The following TMTC4 variants were observed in gnomAD, a reference collection of about 807,000 sequenced individuals.
TMTC4 encodes the protein transmembrane O-mannosyltransferase targeting cadherins 4, also known as protein O-mannosyl-transferase TMTC4.
A neutral mutation model predicts 86.0 loss-of-function variants in TMTC4; 65 were observed. The ratio of observed to expected loss-of-function variants is 0.76; its 90% CI spans 0.62 to 0.93. The LOEUF is 0.93. Ranked by LOEUF, TMTC4 falls within the 40% of genes least tolerant of loss-of-function variation. TMTC4 has a pLI of 0.00. For synonymous variants in TMTC4, 379 were observed against 382.5 expected, an observed-to-expected ratio of 0.99 and a Z score of 0.11; for missense variants, 866 against 948.1, an observed-to-expected ratio of 0.91 and a Z score of 1.14.
At chr13:100,610,420 T>TA (rs566156818) in intron 17 of TMTC4, among the ~76,000 whole-genome samples, 1 of 152,124 alleles carries the variant, frequency 6.6e-6, no homozygotes. Flanking sequence ...AACCCTTAAC[T>TA]AAAAAAATAC....
chr13:100,648,343 G>C (rs1248728557), intron 6 of TMTC4, among the ~76,000 whole-genome samples: 1 of 151,944 alleles, frequency 6.6e-6, no homozygotes, highest in Non-Finnish European at 1.5e-5. Flanking sequence ...AAAAAAATGT[G>C]AACATTTTCA....
intron 12 of TMTC4, among the ~76,000 whole-genome samples, chr13:100,628,317 T>C (rs1317774810): frequency 6.6e-6 from 1 of 152,228 alleles, no homozygotes; most frequent in Non-Finnish European, 1.5e-5. Flanking sequence ...GTGTCACATG[T>C]GTCAGAATTT....
intron 3 of TMTC4, among the ~76,000 whole-genome samples, chr13:100,666,318 G>C (rs1452357495): frequency 6.6e-6 from 1 of 152,214 alleles, no homozygotes; most frequent in Non-Finnish European, 1.5e-5. Context: ...TAGGCACAGT[G>C]CCAATGAACG....
intron 15 of TMTC4, among the ~76,000 whole-genome samples, chr13:100,620,650 C>T (rs74118107): frequency 2.6e-5 from 4 of 152,076 alleles, no homozygotes; most frequent in African/African-American, 4.8e-5. Context: ...CATTGTCTTC[C>T]GCAATCCCTC....
chr13:100,609,650 ATGAT>A (rs774039631), intron 17 of TMTC4, among the ~76,000 whole-genome samples: 13 of 150,026 alleles, frequency 8.7e-5, no homozygotes, highest in Non-Finnish European at 1.0e-4. Context: ...GATTCACTGA[ATGAT>A]TGAATGCTCA....
chr13:100,637,862 T>A (rs553435185), intron 8 of TMTC4, 68 bp downstream of exon 8: 2 of 1,543,634 alleles, frequency 1.3e-6, no homozygotes, highest in East Asian at 4.5e-5. Flanking sequence ...TATTTGAGAA[T>A]GGCATTTTAA....
At chr13:100,639,455 C>G (rs1422345955) in intron 7 of TMTC4, among the ~76,000 whole-genome samples, 1 of 152,248 alleles carries the variant, frequency 6.6e-6, no homozygotes, top group Non-Finnish European at 1.5e-5. Flanking sequence ...TTCCTGTGAG[C>G]TGCAGGACAG....
At chr13:100,637,897 A>G in intron 8 of TMTC4, 33 bp downstream of exon 8, 5 of 1,571,248 alleles carry the variant, frequency 3.2e-6, no homozygotes, top group Non-Finnish European at 4.3e-6. Context: ...GACATTTTCC[A>G]TGTCTGGGCT....
At chr13:100,668,546 T>C in intron 3 of TMTC4, 33 bp downstream of exon 3, 1 of 1,599,618 alleles carries the variant, frequency 6.3e-7, no homozygotes, top group Non-Finnish European at 8.6e-7. Flanking sequence ...AGTTGGGCAG[T>C]TAAGTTTACC....
chr13:100,641,799 T>A (rs1883055907), intron 7 of TMTC4, among the ~76,000 whole-genome samples: 1 of 152,186 alleles, frequency 6.6e-6, no homozygotes, highest in Admixed American at 6.5e-5. Context: ...GTTCCTTCAT[T>A]TCTAAACTAT....
Position 100,662,969 on chromosome 13 carries a change from CG to C in TMTC4, c.546del (p.Glu183SerfsTer46). 3.7e-6 allele frequency: 6 copies of C among 1,613,686 alleles called. No individual in the cohort carries two copies. The highest frequency in any genetic ancestry group is 5.1e-6 in the Non-Finnish European group (6 of 1,179,972). On this transcript the variant is annotated frameshift_variant, in exon 5 of 19. Transcript: ENST00000342624. LOFTEE classifies it high-confidence loss of function. ...ALLFAVHPVH[T>X]ECVAGVVGRA... ...CTCGGGCAGACGACACTTACACACTCGGTGTGCACAGGATGGACAGCAAACA... is the reference window on the plus strand; with the variant it reads ...CTCGGGCAGACGACACTTACACACTCGTGTGCACAGGATGGACAGCAAACA...
At chr13:100,667,320 T>G (rs1886504548) in intron 3 of TMTC4, among the ~76,000 whole-genome samples, 1 of 152,048 alleles carries the variant, frequency 6.6e-6, no homozygotes, top group African/African-American at 2.4e-5. Context: ...TCCCAGCTAC[T>G]TGGGAGGCTG....
At chr13:100,633,110 G>A (rs894234758) in intron 12 of TMTC4, among the ~76,000 whole-genome samples, 2 of 151,860 alleles carry the variant, frequency 1.3e-5, no homozygotes, top group Admixed American at 6.6e-5. Context: ...TCAGGAGTTC[G>A]AGACCAGCCT....
chr13:100,604,947 G>A lies in TMTC4; in HGVS notation c.*47C>T, dbSNP rs906054624. ...TGTAACCACATACTATTAATGATAT[G>A]CCTCATGCACACACACACTCAAACT... On this transcript the variant is annotated 3_prime_UTR_variant, in exon 19 of 19. Coordinates refer to ENST00000342624, the MANE Select transcript of TMTC4 (RefSeq NM_032813.5). The A allele has an allele frequency of 5.1e-6, 8 of 1,583,036 alleles. No homozygotes were observed. The highest frequency in any genetic ancestry group is 6.0e-6 in the Non-Finnish European group (7 of 1,165,872).
chr13:100,643,988 A>T (rs566393700), intron 6 of TMTC4, among the ~76,000 whole-genome samples: 1 of 152,016 alleles, frequency 6.6e-6, no homozygotes, highest in Non-Finnish European at 1.5e-5. Context: ...GCAAGGAGGG[A>T]TAGAAAAATA....
intron 15 of TMTC4, among the ~76,000 whole-genome samples, chr13:100,618,557 T>C (rs909796416): frequency 2.0e-5 from 3 of 151,380 alleles, no homozygotes; most frequent in South Asian, 2.1e-4. Flanking sequence ...GGCAGGGTCA[T>C]AGGACAATAG....
At chr13:100,664,823 C>T (rs1034555958) in intron 3 of TMTC4, among the ~76,000 whole-genome samples, 7 of 152,210 alleles carry the variant, frequency 4.6e-5, no homozygotes, top group Non-Finnish European at 1.0e-4. Flanking sequence ...CTTACAGTCA[C>T]ATGACTATTT....
At chr13:100,614,612 T>C (rs1878181212) in intron 15 of TMTC4, among the ~76,000 whole-genome samples, 182 bp from the exon 16 acceptor site, 1 of 151,820 alleles carries the variant, frequency 6.6e-6, no homozygotes, top group Non-Finnish European at 1.5e-5. Context: ...CTCAAAACAA[T>C]ACCAATGAAG....
chr13:100,642,482 T>C (rs566549956), intron 6 of TMTC4, among the ~76,000 whole-genome samples, 171 bp from the exon 7 acceptor site: 1 of 152,264 alleles, frequency 6.6e-6, no homozygotes, highest in South Asian at 2.1e-4. Flanking sequence ...CAACACCTTC[T>C]AAATGGTACC....
Sources: gnomAD v4.1 joint callset for allele counts (sites outside exome capture counted in the v4.1 genomes callset) on GRCh38, gnomAD v4.1.1 for gene constraint, MANE v1.5 for transcripts, NCBI Gene and HGNC (gene_info 2026-07-23, HGNC 2026-07-21) for gene names.